Variants in PCSK5 observed in about 807,000 individuals in gnomAD.
PCSK5 encodes the protein prohormone convertase 5.
Under a neutral mutation model 233.2 loss-of-function variants are expected in PCSK5, and 129 were observed. The ratio of observed to expected loss-of-function variants is 0.55; its 90% CI spans 0.48 to 0.64. The LOEUF (loss-of-function observed/expected upper bound fraction) is 0.64, where lower values mean the gene tolerates loss of function less well. PCSK5 is among the 30% of genes least tolerant of loss of function. The pLI, the probability that PCSK5 is intolerant of heterozygous loss-of-function variation, is 0.00. For synonymous variants in PCSK5, 825 were observed against 879.2 expected (o/e 0.94, Z 1.09); for missense variants, 2,076 against 2,430.1 (o/e 0.85, Z 3.06).
At chr9:76,207,294 G>A (rs113388780) in intron 20 of PCSK5, among the ~76,000 whole-genome samples, 189 of 152,180 alleles carry the variant, frequency 1.2e-3, no homozygotes, top group Admixed American at 2.0e-3. Context: ...GCCATTTTAC[G>A]GCCTCCCACA....
At chr9:76,296,159 C>T (rs1442007838) in intron 26 of PCSK5, among the ~76,000 whole-genome samples, 3 of 152,184 alleles carry the variant, frequency 2.0e-5, no homozygotes, top group Admixed American at 6.5e-5. Context: ...CAGCTCACTG[C>T]AACCTCTGTT....
Position 75,921,330 on chromosome 9 carries a change from G to A in PCSK5, c.193-11049G>A, listed in dbSNP as rs968240501. Among the ~76,000 whole-genome samples, 5 of 152,246 alleles carry A rather than the reference G, an allele frequency of 3.3e-5. No individual in the cohort carries two copies. The East Asian group carries it at 5.8e-4, about 18-fold the overall frequency. On this transcript the variant is annotated intron_variant, in intron 1 of 37. Transcript: ENST00000674117. ...GGCATTAGTACTTTTTAAAGTCCCC[G>A]TATAATTCTAATGCATAGACAACAT...
chr9:76,243,311 G>C (rs1826486128), intron 24 of PCSK5, among the ~76,000 whole-genome samples: 1 of 152,148 alleles, frequency 6.6e-6, no homozygotes, highest in South Asian at 2.1e-4. Flanking sequence ...ATATGGCTGT[G>C]ATCCTACTAT....
chr9:76,159,012 C>G lies in PCSK5; in HGVS notation c.1460C>G (p.Ser487Cys), dbSNP rs1564069307. The G allele has an allele frequency of 3.1e-6, 5 of 1,613,996 alleles. No homozygotes were observed. Among genetic ancestry groups the G allele is most frequent in the Non-Finnish European group, 4.2e-6 (5 of 1,179,992 alleles). ...ATCCGCCCTAACAGTGCAGTGCGCTCCATCTACAAAGCTTCAGGCTGCTCG... is the reference window on the plus strand; with the variant it reads ...ATCCGCCCTAACAGTGCAGTGCGCTGCATCTACAAAGCTTCAGGCTGCTCG... ...KTIRPNSAVR[S>C]IYKASGCSDN... Residue 487 changes from serine (S) to cysteine (C), a missense_variant, in exon 12 of 38, where the codon TCC (serine) becomes TGC (cysteine). Around this residue, in one of 6 missense-constraint regions of PCSK5, gnomAD observed 64 missense variants for 68.6 expected, o/e 0.93. Coordinates refer to ENST00000674117, the MANE Select transcript of PCSK5 (RefSeq NM_001372043.1).
intron 13 of PCSK5, among the ~76,000 whole-genome samples, chr9:76,172,557 C>T (rs1190573493): frequency 1.3e-5 from 2 of 152,176 alleles, no homozygotes; most frequent in East Asian, 3.8e-4. Flanking sequence ...TTTGAGACAG[C>T]ACTCTTCAAA....
chr9:76,340,963 C>G (rs1200207677), intron 35 of PCSK5, among the ~76,000 whole-genome samples: 1 of 151,648 alleles, frequency 6.6e-6, no homozygotes, highest in Non-Finnish European at 1.5e-5. Context: ...ACCTGTAATC[C>G]CACCACTATG....
intron 24 of PCSK5, among the ~76,000 whole-genome samples, chr9:76,289,412 C>T (rs1283595236): frequency 1.3e-5 from 2 of 150,420 alleles, no homozygotes; most frequent in South Asian, 4.3e-4. Context: ...TTGGATAACA[C>T]CTTCCAAGAC....
At chr9:76,349,348 G>A (rs1419630146) in intron 35 of PCSK5, among the ~76,000 whole-genome samples, 1 of 151,302 alleles carries the variant, frequency 6.6e-6, no homozygotes, top group African/African-American at 2.4e-5. Flanking sequence ...AATAGGAGAA[G>A]ATTGATTCTT....
At chr9:75,970,893 G>T (rs1825790033) in intron 2 of PCSK5, among the ~76,000 whole-genome samples, 1 of 152,036 alleles carries the variant, frequency 6.6e-6, no homozygotes, top group South Asian at 2.1e-4. Context: ...CAAAGTGCTG[G>T]GATTACAGGC....
intron 6 of PCSK5, among the ~76,000 whole-genome samples, chr9:76,068,613 C>T (rs1830371599): frequency 2.0e-5 from 3 of 152,090 alleles, no homozygotes. Context: ...TACGTAAAAA[C>T]TCAATTATAC....
intron 31 of PCSK5, among the ~76,000 whole-genome samples, chr9:76,322,036 G>GC (rs1829222134): frequency 6.6e-6 from 1 of 151,908 alleles, no homozygotes; most frequent in South Asian, 2.1e-4. Context: ...TGCAACTTCT[G>GC]CCTCCCATGT....
chr9:76,345,603 T>C (rs113302518), intron 35 of PCSK5, among the ~76,000 whole-genome samples: 57 of 151,464 alleles, frequency 3.8e-4, no homozygotes, highest in Non-Finnish European at 6.8e-4. Context: ...TAAATATTTT[T>C]AGTAGAGACG....
intron 32 of PCSK5, among the ~76,000 whole-genome samples, 186 bp downstream of exon 32, chr9:76,323,474 C>T (rs1171691497): frequency 6.6e-6 from 1 of 152,166 alleles, no homozygotes; most frequent in Non-Finnish European, 1.5e-5. Flanking sequence ...GCCTCCGCCT[C>T]CTGGGCTCAA....
chr9:76,063,043 C>T (rs150277925), intron 5 of PCSK5, among the ~76,000 whole-genome samples: 2 of 152,216 alleles, frequency 1.3e-5, no homozygotes, highest in Admixed American at 6.5e-5. Context: ...TGAGGACATG[C>T]GATATTTGTC....
At chr9:76,196,257 G>A (rs554550865) in intron 20 of PCSK5, among the ~76,000 whole-genome samples, 1 of 152,242 alleles carries the variant, frequency 6.6e-6, no homozygotes, top group Non-Finnish European at 1.5e-5. Flanking sequence ...CCACTAGTAT[G>A]TGTCTGTAGG....
intron 7 of PCSK5, among the ~76,000 whole-genome samples, chr9:76,079,905 T>G (rs1830773445): frequency 6.6e-6 from 1 of 152,220 alleles, no homozygotes; most frequent in South Asian, 2.1e-4. Context: ...AATATTTTTC[T>G]GTCTCTATTG....
intron 3 of PCSK5, among the ~76,000 whole-genome samples, chr9:76,005,560 G>A (rs569090220): frequency 2.7e-4 from 41 of 152,164 alleles, no homozygotes; most frequent in Admixed American, 1.9e-3. Context: ...TAGAGTTACC[G>A]TAATTTATTT....
At chr9:76,059,727 A>G (rs950161466) in intron 5 of PCSK5, among the ~76,000 whole-genome samples, 1 of 152,248 alleles carries the variant, frequency 6.6e-6, no homozygotes, top group Middle Eastern at 3.4e-3. Flanking sequence ...GAGGAATTAG[A>G]CTTTATAACA....
chr9:76,058,684 T>C (rs569444858), intron 5 of PCSK5, among the ~76,000 whole-genome samples: 60 of 151,696 alleles, frequency 4.0e-4, no homozygotes, highest in Non-Finnish European at 7.8e-4. Context: ...GGGAAAAAAA[T>C]TGACATGAAA....
Sources: gnomAD v4.1 joint callset for allele counts (sites outside exome capture counted in the v4.1 genomes callset) on GRCh38, gnomAD v4.1.1 for gene constraint, gnomAD v4.1.1 regional missense constraint, MANE v1.5 for transcripts, NCBI Gene and HGNC (gene_info 2026-07-23, HGNC 2026-07-21) for gene names.